Variants in P2RY14 observed in about 807,000 individuals in gnomAD.
P2RY14 encodes P2Y purinoceptor 14.
In P2RY14, 2 loss-of-function variants were observed where a neutral mutation model predicts 0.9. The observed-to-expected ratio is 2.16, with a 90% CI of 0.88 to 6.79. P2RY14 has a LOEUF of 6.79. P2RY14 is among the 30% of genes most tolerant of loss of function. P2RY14 has a pLI of 0.05. For missense variants in P2RY14, 378 were observed against 400.1 expected, an observed-to-expected ratio of 0.94 and a Z score of 0.47; for synonymous variants, 158 against 147.2, an observed-to-expected ratio of 1.07 and a Z score of -0.53.
At chr3:151,276,065 G>A (rs185234469) in intron 1 of P2RY14, among the ~76,000 whole-genome samples, 2 of 152,286 alleles carry the variant, frequency 1.3e-5, no homozygotes, top group Non-Finnish European at 2.9e-5. Context: ...ATACAATCAA[G>A]GACACTTTTG....
intron 1 of P2RY14, among the ~76,000 whole-genome samples, chr3:151,243,278 A>G (rs1212041867): frequency 1.3e-5 from 2 of 151,574 alleles, no homozygotes; most frequent in East Asian, 3.9e-4. Context: ...CCACAAAGAT[A>G]CTCCTCGAGA....
At chr3:151,215,613 A>T (rs1383932944) in intron 2 of P2RY14, among the ~76,000 whole-genome samples, 1 of 152,160 alleles carries the variant, frequency 6.6e-6, no homozygotes, top group East Asian at 1.9e-4. Flanking sequence ...TGATGTCGGA[A>T]GTGTTGATTT....
intron 1 of P2RY14, among the ~76,000 whole-genome samples, chr3:151,227,221 T>G (rs1730696489): frequency 1.3e-5 from 2 of 152,250 alleles, no homozygotes; most frequent in South Asian, 4.1e-4. Context: ...AGTTTTCACA[T>G]TAGAAATATC....
rs375939015 is a variant in P2RY14 at position 151,212,180 on chromosome 3, C to T, written c.*1120G>A. On this transcript the variant is annotated 3_prime_UTR_variant, in exon 3 of 3. Transcript: ENST00000309170. ...AAGCATGAAATAGATACAAACATTA[C>T]TTATAAAAATGTTTTGAAAGAACAT... The T allele has an allele frequency of 7.9e-5, 12 of 152,226 alleles. No individual in the cohort carries two copies. Among genetic ancestry groups the T allele is most frequent in the African/African-American group, 2.6e-4 (11 of 41,526 alleles). 9.4% of individuals were successfully genotyped at this position (152,226 alleles called of 1,614,324 possible).
intron 1 of P2RY14, among the ~76,000 whole-genome samples, chr3:151,237,279 C>A (rs548969357): frequency 6.7e-6 from 1 of 149,492 alleles, no homozygotes; most frequent in Admixed American, 6.7e-5. Context: ...ACCTTGTGAT[C>A]CACCTGCCTC....
chr3:151,245,133 T>G (rs539102707), intron 1 of P2RY14, among the ~76,000 whole-genome samples: 1 of 152,176 alleles, frequency 6.6e-6, no homozygotes, highest in Admixed American at 6.5e-5. Flanking sequence ...ACCAATAGCT[T>G]AGCAACCAAA....
rs150176046 is a variant in P2RY14, at chr3:151,234,650, A to G, written c.-132-15008T>C. On this transcript the variant is annotated intron_variant, in intron 1 of 2. Transcript: ENST00000309170. ...TAATGGGTTGAGTAAGTTCCCAGAT[A>G]TGGTAATCAGAGCCCCTACAACTAG... Among the ~76,000 whole-genome samples the G allele has an allele frequency of 2.0e-3, 308 of 152,346 alleles. 2 individuals are homozygous for G. The highest frequency in any genetic ancestry group is 7.3e-3 in the African/African-American group (305 of 41,580).
intron 1 of P2RY14, chr3:151,270,011 G>A (rs1240893685): frequency 8.0e-6 from 2 of 249,134 alleles, no homozygotes; most frequent in Non-Finnish European, 1.6e-5. Context: ...AGAAAGGGAA[G>A]GAGATAAATG....
Position 151,213,147 on chromosome 3 carries a change from C to A in P2RY14, c.*153G>T. 5.2e-6 allele frequency: 3 copies of A among 582,250 alleles called. No individual in the cohort carries two copies. Among genetic ancestry groups the A allele is most frequent in the South Asian group, 2.9e-5 (1 of 35,074 alleles). The allele number at this position is 582,250 out of a possible 1,614,324, so 36.1% of individuals were successfully genotyped here. The stretch of plus-strand genomic sequence containing the variant: ...TGTTTTCTTTGATGTTACAAAAAAG[C>A]ATGGAAACTTATATTTGAATTTTAT... On this transcript the variant is annotated 3_prime_UTR_variant, in exon 3 of 3. Coordinates refer to ENST00000309170, the MANE Select transcript of P2RY14 (RefSeq NM_014879.4).
chr3:151,229,297 C>T (rs1175204903), intron 1 of P2RY14, among the ~76,000 whole-genome samples: 2 of 146,456 alleles, frequency 1.4e-5, no homozygotes, highest in Non-Finnish European at 3.0e-5. Flanking sequence ...CTTATAAATT[C>T]AGCAATTCTT....
At chr3:151,241,246 AT>A (rs1357750919) in intron 1 of P2RY14, among the ~76,000 whole-genome samples, 1 of 152,190 alleles carries the variant, frequency 6.6e-6, no homozygotes, top group African/African-American at 2.4e-5. Context: ...ATATTTTACA[AT>A]TTTTTACCTT....
At chr3:151,263,493 G>A (rs1306130737) in intron 1 of P2RY14, among the ~76,000 whole-genome samples, 1 of 152,142 alleles carries the variant, frequency 6.6e-6, no homozygotes, top group Non-Finnish European at 1.5e-5. Context: ...TTTGTTCTTT[G>A]ATTTTGAGTT....
chr3:151,278,109 G>T (rs758562378), intron 1 of P2RY14, among the ~76,000 whole-genome samples, 178 bp downstream of exon 1: 37 of 152,194 alleles, frequency 2.4e-4, no homozygotes, highest in Non-Finnish European at 2.9e-4. Context: ...TTAGCATGGG[G>T]AAATATATTA....
intron 1 of P2RY14, among the ~76,000 whole-genome samples, chr3:151,273,706 T>A (rs1436025158): frequency 6.6e-6 from 1 of 152,146 alleles, no homozygotes; most frequent in East Asian, 1.9e-4. Context: ...AAAGTCTGAT[T>A]CTAGAATGCC....
intron 1 of P2RY14, chr3:151,248,838 T>C (rs956742356): frequency 6.6e-6 from 1 of 152,184 alleles, no homozygotes; most frequent in Non-Finnish European, 1.5e-5. Flanking sequence ...AACTGTACTC[T>C]GCATTAGATG....
chr3:151,230,512 G>T (rs1265571121), intron 1 of P2RY14, among the ~76,000 whole-genome samples: 9 of 150,690 alleles, frequency 6.0e-5, no homozygotes, highest in African/African-American at 2.2e-4. Flanking sequence ...ACACTTTGAT[G>T]CTCATTGACA....
intron 1 of P2RY14, among the ~76,000 whole-genome samples, chr3:151,224,718 C>T (rs1730137915): frequency 6.6e-6 from 1 of 152,168 alleles, no homozygotes; most frequent in African/African-American, 2.4e-5. Context: ...GTTTGACACT[C>T]ACCACACTTC....
chr3:151,246,022 T>A (rs1735373779), intron 1 of P2RY14, among the ~76,000 whole-genome samples: 1 of 150,880 alleles, frequency 6.6e-6, no homozygotes, highest in African/African-American at 2.4e-5. Flanking sequence ...CATTCACAAT[T>A]GCTTCAAAGA....
At chr3:151,237,271 C>T (rs1041949108) in intron 1 of P2RY14, among the ~76,000 whole-genome samples, 2 of 149,698 alleles carry the variant, frequency 1.3e-5, no homozygotes, top group African/African-American at 2.5e-5. Flanking sequence ...AACACCTGAC[C>T]TTGTGATCCA....
Sources: gnomAD v4.1 joint callset for allele counts (sites outside exome capture counted in the v4.1 genomes callset) on GRCh38, gnomAD v4.1.1 for gene constraint, MANE v1.5 for transcripts, NCBI Gene and HGNC (gene_info 2026-07-23, HGNC 2026-07-21) for gene names.